The following CTSK variants were observed in gnomAD, a reference collection of about 807,000 sequenced individuals.
The protein encoded by CTSK is cathepsin K.
In CTSK, 26 loss-of-function variants were observed where a neutral mutation model predicts 40.5. The ratio of observed to expected loss-of-function variants is 0.64; its 90% CI spans 0.47 to 0.89. CTSK has a LOEUF of 0.89. Ranked by LOEUF, CTSK falls within the 40% of genes least tolerant of loss-of-function variation. The pLI, the probability that CTSK is intolerant of heterozygous loss-of-function variation, is 0.00. For missense variants in CTSK, 292 were observed against 400.1 expected, an observed-to-expected ratio of 0.73 and a Z score of 2.30; for synonymous variants, 132 against 143.2, an observed-to-expected ratio of 0.92 and a Z score of 0.56.
rs74315304 is a variant in CTSK, at chr1:150,799,228, G to A, written c.830C>T (p.Ala277Val). Residue 277 changes from alanine to valine, a missense_variant, in exon 7 of 8, where the codon GCA (alanine) becomes GTA (valine). By Grantham distance (64) the Ala-to-Val change is moderately conservative (BLOSUM62 0). Transcript: ENST00000271651. ...GATTCCATATCCCACTGCCAAAACT[G>A]CATGGTTCAGATTATCGCTATTGCA... ...ESCNSDNLNH[A>V]VLAVGYGIQK... 9.9e-6 allele frequency: 16 copies of A among 1,612,686 alleles called. No individual in the cohort carries two copies. In the East Asian group the frequency reaches 1.1e-4, roughly 11 times the overall value.
intron 7 of CTSK, among the ~76,000 whole-genome samples, chr1:150,798,906 G>A (rs944968140): frequency 6.6e-5 from 10 of 152,140 alleles, no homozygotes; most frequent in Non-Finnish European, 1.2e-4. Flanking sequence ...CTAGTGCCAC[G>A]CTTTGTATAG....
rs2101945870 is a variant in CTSK at position 150,796,738 on chromosome 1, AT to A, written c.*60del. On this transcript the variant is annotated 3_prime_UTR_variant, in exon 8 of 8. Coordinates refer to ENST00000271651, the MANE Select transcript of CTSK (RefSeq NM_000396.4). Reference sequence around the variant, plus strand: ...GCACACCAACTCCCTTCCAAAGTGCATCGTTACACTGCACCATCGTGGAAGA... The same window carrying A: ...GCACACCAACTCCCTTCCAAAGTGCACGTTACACTGCACCATCGTGGAAGA... The A allele has an allele frequency of 8.6e-7, 1 of 1,166,832 alleles. No individual in the cohort carries two copies. Among genetic ancestry groups the A allele is most frequent in the East Asian group, 2.3e-5 (1 of 42,816 alleles). The allele number at this position is 1,166,832 out of a possible 1,614,324, so 72.3% of individuals were successfully genotyped here.
chr1:150,805,932 C>T lies in CTSK; in HGVS notation c.328G>A (p.Glu110Lys). ...GAGTCTGGGGCTCTACCTTCCCATT[C>T]TGGGATATAAAGGGTGTCATTACTG... is the stretch of plus-strand genomic sequence containing the variant. ...SRSNDTLYIP[E>K]WEGRAPDSVD... Residue 110 changes from glutamate to lysine, a missense_variant, in exon 4 of 8, where the codon GAA becomes AAA. Transcript: ENST00000271651. 6.2e-7 allele frequency: 1 copy of T among 1,614,102 alleles called. No homozygotes were observed. The highest frequency in any genetic ancestry group is 8.5e-7 in the Non-Finnish European group (1 of 1,180,004).
At chr1:150,798,801 CTT>C (rs1653924020) in intron 7 of CTSK, among the ~76,000 whole-genome samples, 1 of 152,226 alleles carries the variant, frequency 6.6e-6, no homozygotes, top group African/African-American at 2.4e-5. Context: ...CCCTCTCTCT[CTT>C]GCTCCCTCTC....
chr1:150,799,884 C>T (rs914934376), intron 5 of CTSK, among the ~76,000 whole-genome samples, 175 bp from the exon 6 acceptor site: 18 of 152,046 alleles, frequency 1.2e-4, no homozygotes, highest in African/African-American at 3.9e-4. Flanking sequence ...AGAGGATTCC[C>T]GCCTTCCACC....
In CTSK at chr1:150,806,925, G is replaced by A. The variant is rs12746973; in HGVS notation, c.-1-119C>T. 0.071 allele frequency: 87,430 copies of A among 1,231,370 alleles called. 3,421 individuals are homozygous for A. The highest frequency in any genetic ancestry group is 0.11 in the East Asian group (4,660 of 42,568). The allele number at this position is 1,231,370 out of a possible 1,614,324, so 76.3% of individuals were successfully genotyped here. A position where few individuals can be genotyped will look rare whatever the true frequency, so the allele number is the denominator to read the frequency against. On this transcript the variant is annotated intron_variant, in intron 1 of 7. Coordinates refer to ENST00000271651, the MANE Select transcript of CTSK (RefSeq NM_000396.4). Reference sequence around the variant, plus strand: ...AGGGTGATAAAACAATGATAGTCAGGAGGGGCCTGTGTTTAGATAGGATGC... The same window carrying A: ...AGGGTGATAAAACAATGATAGTCAGAAGGGGCCTGTGTTTAGATAGGATGC...
At chr1:150,800,389 G>A (rs1450249003) in intron 5 of CTSK, 2 of 154,904 alleles carry the variant, frequency 1.3e-5, no homozygotes, top group Non-Finnish European at 2.9e-5. Context: ...CTTAGCTAGA[G>A]GGAAGACCTG....
Position 150,796,661 on chromosome 1 carries a change from ATGGGGAAAC to A in CTSK, c.*129_*137del. On this transcript the variant is annotated 3_prime_UTR_variant, in exon 8 of 8. Transcript: ENST00000271651. ...GAAGGATCATTTGAAGCACAAACAA[ATGGGGAAAC>A]TGAACAGACAATCTCAGTATCACCA... 1 of 785,678 alleles carries A rather than the reference ATGGGGAAAC, an allele frequency of 1.3e-6. No homozygotes were observed. The highest frequency in any genetic ancestry group is 2.3e-6 in the Non-Finnish European group (1 of 431,862). The allele number at this position is 785,678 out of a possible 1,614,324, so 48.7% of individuals were successfully genotyped here.
chr1:150,801,786 A>AGGG (rs1262327138), intron 5 of CTSK, among the ~76,000 whole-genome samples: 1 of 151,426 alleles, frequency 6.6e-6, no homozygotes, highest in Non-Finnish European at 1.5e-5. Context: ...TGATCCACCC[A>AGGG]TCTCAGCCTC....
rs587606542 is a variant in CTSK, at chr1:150,798,218, T to A, written c.890+950A>T. Among the ~76,000 whole-genome samples the A allele has an allele frequency of 1.1e-4, 16 of 152,356 alleles. No individual in the cohort carries two copies. The South Asian group carries it at 3.1e-3, about 30-fold the overall frequency. On this transcript the variant is annotated intron_variant, in intron 7 of 7. Transcript: ENST00000271651. ...AACACTAACTTTTTTTGTTTATATCTTATTTCTAAAAAATGTTTCTCTTCA... is the reference window on the plus strand; with the variant it reads ...AACACTAACTTTTTTTGTTTATATCATATTTCTAAAAAATGTTTCTCTTCA...
chr1:150,799,885 G>GC (rs1180288180), intron 5 of CTSK, among the ~76,000 whole-genome samples, 176 bp from the exon 6 acceptor site: 1 of 151,990 alleles, frequency 6.6e-6, no homozygotes, highest in African/African-American at 2.4e-5. Flanking sequence ...GAGGATTCCC[G>GC]CCTTCCACCA....
In CTSK at chr1:150,796,679, C is replaced by T. The variant is rs587681751; in HGVS notation, c.*120G>A. Reference sequence around the variant, plus strand: ...CAAACAAATGGGGAAACTGAACAGACAATCTCAGTATCACCACATCTGCTT... The same window carrying T: ...CAAACAAATGGGGAAACTGAACAGATAATCTCAGTATCACCACATCTGCTT... On this transcript the variant is annotated 3_prime_UTR_variant, in exon 8 of 8. Transcript: ENST00000271651. 2 of 808,710 alleles carry T rather than the reference C, an allele frequency of 2.5e-6. No individual in the cohort carries two copies. The highest frequency in any genetic ancestry group is 1.7e-5 in the African/African-American group (1 of 59,800). 50.1% of individuals were successfully genotyped at this position (808,710 alleles called of 1,614,324 possible). A position where few individuals can be genotyped will look rare whatever the true frequency, so the allele number is the denominator to read the frequency against.
chr1:150,802,294 A>G lies in CTSK; in HGVS notation c.618+1727T>C, dbSNP rs1051758777. Among the ~76,000 whole-genome samples the G allele has an allele frequency of 2.5e-4, 37 of 146,536 alleles. 1 individual carries two copies. The East Asian group carries it at 6.4e-3, about 25-fold the overall frequency. On this transcript the variant is annotated intron_variant, in intron 5 of 7. Transcript: ENST00000271651. Reference sequence around the variant, plus strand: ...ACTCCATTTCAAAAAAAAAAAAAAAAGGGTAGGCCAGGCATGGTGGCTTAC... The same window carrying G: ...ACTCCATTTCAAAAAAAAAAAAAAAGGGGTAGGCCAGGCATGGTGGCTTAC...
intron 1 of CTSK, chr1:150,807,383 G>C: frequency 2.1e-6 from 1 of 471,086 alleles, no homozygotes; most frequent in Non-Finnish European, 4.4e-6. Context: ...AATGTTTCCT[G>C]TTTTCTGAGA....
At chr1:150,806,832 A>T in intron 1 of CTSK, 26 bp from the exon 2 acceptor site, 1 of 1,612,268 alleles carries the variant, frequency 6.2e-7, no homozygotes, top group Non-Finnish European at 8.5e-7. Context: ...GTTAGGGAAA[A>T]CTCTTCCATT....
chr1:150,807,072 TCTCTCTCTCACA>T (rs1275245712), intron 1 of CTSK, among the ~76,000 whole-genome samples: 10 of 45,344 alleles, frequency 2.2e-4, no homozygotes, highest in Admixed American at 1.9e-3. Context: ...TCTCTGTCTC[TCTCTCTCTCACA>T]CACACACACA....
rs1364706209 is a variant in CTSK at position 150,806,764 on chromosome 1, A to C, written c.42T>G (p.Phe14Leu). 6.2e-7 allele frequency: 1 copy of C among 1,614,114 alleles called. No individual in the cohort carries two copies. Among genetic ancestry groups the C allele is most frequent in the Non-Finnish European group, 8.5e-7 (1 of 1,180,022 alleles). ...CCAGTATCTCCTCAGGGTACAGAGC[A>C]AAGCTCACCACAGGTAGCAGCAGAA... ...LKVLLLPVVS[F>L]ALYPEEILDT... The change falls in exon 2 of 8, where the codon TTT becomes TTG. Residue 14 changes from phenylalanine to leucine, a missense_variant. Coordinates refer to ENST00000271651, the MANE Select transcript of CTSK (RefSeq NM_000396.4).
In CTSK at chr1:150,799,245, G is replaced by A. The variant is rs1410794970; in HGVS notation, c.813C>T (p.Ser271=). The A allele has an allele frequency of 1.3e-5, 21 of 1,612,592 alleles. No individual in the cohort carries two copies. Among genetic ancestry groups the A allele is most frequent in the South Asian group, 3.3e-5 (3 of 91,028 alleles). The change falls in exon 7 of 8, where the codon AGC becomes AGT. Residue 271 remains serine (S), a synonymous_variant. Coordinates refer to ENST00000271651, the MANE Select transcript of CTSK (RefSeq NM_000396.4). ...KGVYYDESCN[S]DNLNHAVLAV... ...CCAAAACTGCATGGTTCAGATTATC[G>A]CTATTGCAGCTTTCATCATAATACA...
rs1049965775 is a variant in CTSK, at chr1:150,796,718, C to T, written c.*81G>A. 2.1e-5 allele frequency: 21 copies of T among 980,572 alleles called. No individual in the cohort carries two copies. The Admixed American group carries it at 2.2e-4, about 10-fold the overall frequency. 60.7% of individuals were successfully genotyped at this position (980,572 alleles called of 1,614,324 possible). A position where few individuals can be genotyped will look rare whatever the true frequency, so the allele number is the denominator to read the frequency against. On this transcript the variant is annotated 3_prime_UTR_variant, in exon 8 of 8. Transcript: ENST00000271651. ...CCACATCTGCTTCAAAAATAGCACA[C>T]CAACTCCCTTCCAAAGTGCATCGTT...
Sources: gnomAD v4.1 joint callset for allele counts (sites outside exome capture counted in the v4.1 genomes callset) on GRCh38, gnomAD v4.1.1 for gene constraint, MANE v1.5 for transcripts, NCBI Gene and HGNC (gene_info 2026-07-23, HGNC 2026-07-21) for gene names.